Variants in DNAJB6 observed in about 807,000 individuals in gnomAD.
The protein encoded by DNAJB6 is DnaJ heat shock protein family (Hsp40) member B6.
DNAJB6 carries 16 observed loss-of-function variants against 42.7 expected under a neutral mutation model. That is an observed-to-expected ratio of 0.37 (90% confidence interval 0.25 to 0.57). The LOEUF is 0.57. DNAJB6 is among the 20% of genes least tolerant of loss of function. The pLI, the probability that DNAJB6 is intolerant of heterozygous loss-of-function variation, is 0.74. For missense variants in DNAJB6, 347 were observed against 416.8 expected (o/e 0.83, Z 1.46); for synonymous variants, 170 against 163.5 (o/e 1.04, Z -0.30).
At chr7:157,390,574 T>C (rs1801291854) in intron 8 of DNAJB6, among the ~76,000 whole-genome samples, 1 of 152,186 alleles carries the variant, frequency 6.6e-6, no homozygotes, top group Non-Finnish European at 1.5e-5. Flanking sequence ...TGCTGAAACA[T>C]TGCTGCTGAA....
chr7:157,357,802 G>C (rs1452022196), intron 1 of DNAJB6, among the ~76,000 whole-genome samples: 1 of 152,188 alleles, frequency 6.6e-6, no homozygotes, highest in Non-Finnish European at 1.5e-5. Flanking sequence ...GCCCGGGGAA[G>C]TAACAAGGTT....
intron 1 of DNAJB6, among the ~76,000 whole-genome samples, chr7:157,347,059 G>T (rs1798726814): frequency 6.6e-6 from 1 of 152,132 alleles, no homozygotes; most frequent in African/African-American, 2.4e-5. Flanking sequence ...GTTTCACCGT[G>T]TTAGCTAGGA....
intron 9 of DNAJB6, among the ~76,000 whole-genome samples, chr7:157,415,691 G>A (rs182579594): frequency 2.0e-5 from 3 of 151,824 alleles, no homozygotes; most frequent in East Asian, 1.9e-4. Flanking sequence ...AGGTGCAGCC[G>A]TGCCCAGGGT....
chr7:157,410,105 C>A (rs1273471433), intron 9 of DNAJB6, 104 bp downstream of exon 9: 2 of 1,437,338 alleles, frequency 1.4e-6, no homozygotes, highest in African/African-American at 2.9e-5. Context: ...GTGTTCTGAC[C>A]TGAGCGGGCG....
Position 157,416,037 on chromosome 7 carries a change from G to A in DNAJB6, c.920G>A (p.Arg307Lys), listed in dbSNP as rs1796099852. ...TTAGGATTGAAAGAAGGTGGCAAGAGGAAGAAGCAGAAGCAGAGAGAGGAG... is the reference window on the plus strand; with the variant it reads ...TTAGGATTGAAAGAAGGTGGCAAGAAGAAGAAGCAGAAGCAGAGAGAGGAG... ...SAAGLKEGGK[R>K]KKQKQREESK... Residue 307 changes from arginine to lysine, a missense_variant, in exon 10 of 10, where the codon AGG becomes AAG. This residue lies in a region of DNAJB6 where 264 missense variants were observed against 288.0 expected (regional missense o/e 0.92). Transcript: ENST00000262177. The A allele has an allele frequency of 1.9e-6, 3 of 1,614,204 alleles. No homozygotes were observed. Among genetic ancestry groups the A allele is most frequent in the Non-Finnish European group, 2.5e-6 (3 of 1,180,044 alleles).
At chr7:157,338,079 G>A (rs1266889026) in intron 1 of DNAJB6, among the ~76,000 whole-genome samples, 1 of 152,152 alleles carries the variant, frequency 6.6e-6, no homozygotes, top group Admixed American at 6.5e-5. Context: ...ATTGAGTTGC[G>A]AATTTTAGTA....
chr7:157,400,378 T>TCTGAGCACGGGGGCCGCCCGGGTCCCC (rs1801806710), intron 8 of DNAJB6, among the ~76,000 whole-genome samples: 1 of 42,098 alleles, frequency 2.4e-5, no homozygotes, highest in African/African-American at 2.1e-4. Flanking sequence ...TCGTGTGTGG[T>TCTGAGCACGGGGGCCGCCCGGGTCCCC]GTGCCGTGAT....
chr7:157,357,141 A>AC (rs1584893624), intron 1 of DNAJB6, among the ~76,000 whole-genome samples: 1 of 150,686 alleles, frequency 6.6e-6, no homozygotes, highest in Non-Finnish European at 1.5e-5. Flanking sequence ...TCAATTAAAA[A>AC]AAAAAACAAA....
intron 8 of DNAJB6, among the ~76,000 whole-genome samples, chr7:157,407,872 C>G (rs1795828945): frequency 6.6e-6 from 1 of 152,204 alleles, no homozygotes; most frequent in African/African-American, 2.4e-5. Flanking sequence ...TGTCCCAGAG[C>G]CCTCCTCGCT....
chr7:157,369,643 T>C (rs1391135516), intron 5 of DNAJB6, among the ~76,000 whole-genome samples: 3 of 150,250 alleles, frequency 2.0e-5, no homozygotes, highest in African/African-American at 7.5e-5. Context: ...GGCCCTTTCT[T>C]CACATTATTA....
intron 8 of DNAJB6, among the ~76,000 whole-genome samples, chr7:157,404,319 C>G (rs547126438): frequency 6.8e-5 from 10 of 147,106 alleles, no homozygotes; most frequent in Admixed American, 4.7e-4. Flanking sequence ...GAGACAAAGT[C>G]TTAATCTGTC....
At chr7:157,376,275 T>C (rs983453858) in intron 5 of DNAJB6, among the ~76,000 whole-genome samples, 6 of 150,564 alleles carry the variant, frequency 4.0e-5, no homozygotes, top group Admixed American at 3.9e-4. Flanking sequence ...TATATATATA[T>C]TTTTTGGTCA....
chr7:157,371,680 G>A (rs1214994288), intron 5 of DNAJB6, among the ~76,000 whole-genome samples: 1 of 152,216 alleles, frequency 6.6e-6, no homozygotes, highest in Non-Finnish European at 1.5e-5. Flanking sequence ...AGCTCTTGTC[G>A]AAATGTTAAT....
intron 8 of DNAJB6, among the ~76,000 whole-genome samples, chr7:157,402,659 G>C (rs1431741262): frequency 1.3e-5 from 2 of 152,244 alleles, no homozygotes; most frequent in Non-Finnish European, 2.9e-5. Flanking sequence ...GTAGCGATGT[G>C]TCTTGGGGAC....
intron 8 of DNAJB6, among the ~76,000 whole-genome samples, chr7:157,408,371 G>C (rs7789544): frequency 0.039 from 5,909 of 152,288 alleles, 362 homozygotes; most frequent in African/African-American, 0.13. Flanking sequence ...CCTCCTCTTG[G>C]GTTTGCTGAA....
intron 1 of DNAJB6, among the ~76,000 whole-genome samples, chr7:157,344,064 G>T (rs1004377802): frequency 3.3e-5 from 5 of 152,154 alleles, no homozygotes; most frequent in African/African-American, 1.2e-4. Context: ...TTATGGGCCG[G>T]GTGTGGTGGC....
At chr7:157,360,218 CT>C (rs1341628081) in intron 2 of DNAJB6, among the ~76,000 whole-genome samples, 1 of 152,122 alleles carries the variant, frequency 6.6e-6, no homozygotes, top group Non-Finnish European at 1.5e-5. Context: ...GCGAAAGACA[CT>C]TCTTACATGG....
intron 6 of DNAJB6, 95 bp from the exon 7 acceptor site, chr7:157,384,772 C>T: frequency 8.0e-7 from 1 of 1,256,038 alleles, no homozygotes; most frequent in East Asian, 2.3e-5. Flanking sequence ...TATGCCTTAA[C>T]ATTAAATATT....
chr7:157,353,078 A>C (rs775972080), intron 1 of DNAJB6, among the ~76,000 whole-genome samples: 1 of 148,842 alleles, frequency 6.7e-6, no homozygotes, highest in Non-Finnish European at 1.5e-5. Flanking sequence ...GCCCTATCAA[A>C]TTTTTTTTTT....
Sources: allele counts gnomAD v4.1 joint callset (sites outside exome capture counted in the v4.1 genomes callset), GRCh38; gene constraint gnomAD v4.1.1; regional missense constraint gnomAD v4.1.1; transcripts MANE v1.5; gene names NCBI Gene and HGNC (gene_info 2026-07-23, HGNC 2026-07-21).